CEP63: variants seen among roughly 807,000 people sequenced by gnomAD.
CEP63 encodes centrosomal protein 63.
CEP63 carries 84 observed loss-of-function variants against 89.1 expected under a neutral mutation model. The ratio of observed to expected loss-of-function variants is 0.94; its 90% confidence interval spans 0.79 to 1.13. CEP63 has a LOEUF of 1.13. CEP63 is among the 50% of genes most tolerant of loss of function. The pLI is 0.00. For missense variants in CEP63, 838 were observed against 813.3 expected (o/e 1.03, Z -0.37); for synonymous variants, 267 against 272.5 (o/e 0.98, Z 0.20).
chr3:134,622,965 T>C, the CEP63 span, among the ~76,000 whole-genome samples: 27 of 152,322 alleles, frequency 1.8e-4, 1 homozygote, highest in South Asian at 5.4e-3. Flanking sequence ...TCTGGAGACC[T>C]CTGGACCCCT....
At chr3:134,680,898 G>T in the CEP63 span, among the ~76,000 whole-genome samples, 4 of 152,344 alleles carry the variant, frequency 2.6e-5, no homozygotes, top group East Asian at 7.7e-4. Flanking sequence ...TCTGAAGCCT[G>T]ATATCTTTCA....
downstream of CEP63, among the ~76,000 whole-genome samples, chr3:134,578,600 G>T (rs768402703): frequency 2.6e-5 from 4 of 151,946 alleles, no homozygotes; most frequent in Non-Finnish European, 5.9e-5. Flanking sequence ...AAAGTACTGG[G>T]GTTACAGGCG....
intron 13 of CEP63, among the ~76,000 whole-genome samples, chr3:134,558,730 C>T (rs1330840109): frequency 1.3e-5 from 2 of 152,150 alleles, no homozygotes; most frequent in East Asian, 1.9e-4. Context: ...AATAAGCATT[C>T]GGTGAAAAGC....
chr3:134,627,624 C>T, the CEP63 span: 1 of 730,084 alleles, frequency 1.4e-6, no homozygotes, highest in Admixed American at 2.2e-5. Flanking sequence ...ACACTCTTCC[C>T]CTCCTGAACC....
the CEP63 span, among the ~76,000 whole-genome samples, chr3:134,659,875 T>A: frequency 6.6e-6 from 1 of 152,170 alleles, no homozygotes; most frequent in Non-Finnish European, 1.5e-5. Context: ...CCAGGGGGCA[T>A]GCGGGAGATT....
At chr3:134,606,883 C>A in the CEP63 span, 3 of 979,896 alleles carry the variant, frequency 3.1e-6, no homozygotes, top group African/African-American at 5.3e-5. Context: ...AGCCCCTTAT[C>A]TAGGTGCCCT....
At chr3:134,569,802 G>C (rs9819532), downstream of CEP63, among the ~76,000 whole-genome samples, 100,250 of 152,068 alleles carry the variant, frequency 0.66, 33,449 homozygotes, top group East Asian at 0.81. Context: ...CACTGCCCTA[G>C]CAGAGGTTCT....
chr3:134,604,349 G>A, the CEP63 span: 3 of 1,613,754 alleles, frequency 1.9e-6, no homozygotes, highest in Non-Finnish European at 8.5e-7. Flanking sequence ...ATGGTTGGAG[G>A]GTACACCTCC....
chr3:134,743,609 A>G, the CEP63 span, among the ~76,000 whole-genome samples: 3 of 152,122 alleles, frequency 2.0e-5, no homozygotes, highest in African/African-American at 4.8e-5. Context: ...AGCCTTGACT[A>G]GGGGTTCACA....
At chr3:134,505,652 A>G (rs564900986) in intron 2 of CEP63, among the ~76,000 whole-genome samples, 1 of 152,260 alleles carries the variant, frequency 6.6e-6, no homozygotes, top group African/African-American at 2.4e-5. Context: ...GGCCTCTCCA[A>G]GGTCCCTGGA....
the CEP63 span, among the ~76,000 whole-genome samples, chr3:134,730,788 A>T: frequency 6.6e-6 from 1 of 152,128 alleles, no homozygotes; most frequent in Admixed American, 6.5e-5. Flanking sequence ...TACAATCACA[A>T]CATAAAATTA....
chr3:134,508,106 A>G (rs577567601), intron 3 of CEP63, among the ~76,000 whole-genome samples: 1 of 152,330 alleles, frequency 6.6e-6, no homozygotes, highest in South Asian at 2.1e-4. Flanking sequence ...TGAGTGGTAC[A>G]CACTGAGATT....
chr3:134,494,844 T>G (rs1423891535), intron 1 of CEP63, among the ~76,000 whole-genome samples: 1 of 152,188 alleles, frequency 6.6e-6, no homozygotes, highest in Non-Finnish European at 1.5e-5. Context: ...TTTCCCATGA[T>G]AGACCAAAGA....
At chr3:134,578,080 C>A (rs1441225707), downstream of CEP63, among the ~76,000 whole-genome samples, 1 of 152,082 alleles carries the variant, frequency 6.6e-6, no homozygotes. Context: ...CTGCAATAAA[C>A]GTGTGTGCAT....
the CEP63 span, among the ~76,000 whole-genome samples, chr3:134,606,330 C>T: frequency 6.6e-6 from 1 of 152,156 alleles, no homozygotes; most frequent in Non-Finnish European, 1.5e-5. Flanking sequence ...GCTGGAGACC[C>T]GTGGAGAAGC....
At chr3:134,625,764 G>A in the CEP63 span, among the ~76,000 whole-genome samples, 1 of 152,366 alleles carries the variant, frequency 6.6e-6, no homozygotes, top group East Asian at 1.9e-4. Context: ...ATGGCGTTCT[G>A]GTAACAGGGC....
the CEP63 span, among the ~76,000 whole-genome samples, chr3:134,728,882 A>C: frequency 2.0e-5 from 3 of 152,158 alleles, no homozygotes; most frequent in African/African-American, 7.2e-5. Flanking sequence ...CTCTCGTCAA[A>C]AGATTTAATT....
At chr3:134,711,766 C>CT in the CEP63 span, among the ~76,000 whole-genome samples, 3,102 of 139,838 alleles carry the variant, frequency 0.022, 89 homozygotes, top group African/African-American at 0.071. Flanking sequence ...CTTTTCTTTT[C>CT]TTTTTTTTTT....
intron 12 of CEP63, chr3:134,552,792 A>T (rs1955210065): frequency 6.6e-6 from 1 of 152,028 alleles, no homozygotes; most frequent in African/African-American, 2.4e-5. Flanking sequence ...ATATCCAAGG[A>T]CTTTTAGTAG....
Sources: allele counts gnomAD v4.1 joint callset (sites outside exome capture counted in the v4.1 genomes callset), GRCh38; gene constraint gnomAD v4.1.1; transcripts MANE v1.5; gene names NCBI Gene and HGNC (gene_info 2026-07-23, HGNC 2026-07-21).